Variants in KLRG1 observed in about 807,000 individuals in gnomAD.
KLRG1 encodes killer cell lectin like receptor G1.
KLRG1 carries 16 observed loss-of-function variants against 21.8 expected under a neutral mutation model. The ratio of observed to expected loss-of-function variants is 0.73; its 90% CI spans 0.50 to 1.11. The LOEUF (loss-of-function observed/expected upper bound fraction) is 1.11, where lower values mean the gene tolerates loss of function less well. Ranked by LOEUF, KLRG1 falls within the 50% of genes most tolerant of loss-of-function variation. The pLI, the probability that KLRG1 is intolerant of heterozygous loss-of-function variation, is 0.00. For synonymous variants in KLRG1, 69 were observed against 75.9 expected (o/e 0.91, Z 0.47); for missense variants, 173 against 218.3 (o/e 0.79, Z 1.31).
the KLRG1 span, chr12:9,153,330 G>A: frequency 6.2e-7 from 1 of 1,612,606 alleles, no homozygotes; most frequent in Non-Finnish European, 8.5e-7. Context: ...GGCATGGAGA[G>A]CCACCACTGT....
chr12:9,165,498 G>A, the KLRG1 span: 8 of 977,118 alleles, frequency 8.2e-6, no homozygotes, highest in Non-Finnish European at 1.2e-5. Flanking sequence ...GTGCATTCGT[G>A]TGAACACTAG....
chr12:9,208,410 T>C, the KLRG1 span: 1 of 1,248,962 alleles, frequency 8.0e-7, no homozygotes, highest in Non-Finnish European at 1.2e-6. Context: ...ACCAGCTGAG[T>C]TTACCAGGCT....
the KLRG1 span, chr12:9,093,691 T>C: frequency 3.3e-6 from 2 of 608,094 alleles, no homozygotes; most frequent in South Asian, 3.5e-5. Context: ...TCTGATGAAA[T>C]AGAGAGGAAG....
intron 1 of KLRG1, among the ~76,000 whole-genome samples, chr12:8,967,558 C>T (rs7957321): frequency 0.36 from 53,988 of 151,650 alleles, 11,026 homozygotes; most frequent in South Asian, 0.46. Context: ...TCCGTCTCTA[C>T]AAAAAATTAA....
At chr12:9,105,839 C>CA in the KLRG1 span, among the ~76,000 whole-genome samples, 2 of 152,120 alleles carry the variant, frequency 1.3e-5, no homozygotes, top group Non-Finnish European at 2.9e-5. Context: ...TGTTTCCATA[C>CA]AAAGTTAGTG....
chr12:9,144,813 A>G, the KLRG1 span, among the ~76,000 whole-genome samples: 217 of 152,208 alleles, frequency 1.4e-3, 1 homozygote, highest in African/African-American at 4.8e-3. Context: ...GGGCAGGCAT[A>G]TCTCTGGTCG....
At chr12:9,062,858 TA>T in the KLRG1 span, among the ~76,000 whole-genome samples, 7 of 151,472 alleles carry the variant, frequency 4.6e-5, no homozygotes, top group Non-Finnish European at 1.0e-4. Flanking sequence ...ATTATACATT[TA>T]AACAGTTAAA....
At chr12:9,079,924 G>T in the KLRG1 span, 2 of 1,143,024 alleles carry the variant, frequency 1.7e-6, no homozygotes, top group South Asian at 2.1e-5. Flanking sequence ...TTTTAGGAAG[G>T]ATGATTCTTC....
At chr12:9,138,308 G>A in the KLRG1 span, among the ~76,000 whole-genome samples, 34 of 151,826 alleles carry the variant, frequency 2.2e-4, no homozygotes, top group African/African-American at 6.7e-4. Flanking sequence ...TGTGAATGTG[G>A]TACAAATTTA....
At chr12:8,977,159 C>T (rs1946669787) in intron 1 of KLRG1, among the ~76,000 whole-genome samples, 1 of 151,512 alleles carries the variant, frequency 6.6e-6, no homozygotes, top group Non-Finnish European at 1.5e-5. Context: ...TATGTCTGTT[C>T]TTAAGTCTAA....
the KLRG1 span, among the ~76,000 whole-genome samples, chr12:9,074,192 G>T: frequency 6.6e-6 from 1 of 152,058 alleles, no homozygotes; most frequent in South Asian, 2.1e-4. Context: ...GCGAGGAGAG[G>T]TTGTTGGATT....
At chr12:9,089,205 G>A in the KLRG1 span, 2 of 1,586,514 alleles carry the variant, frequency 1.3e-6, no homozygotes, top group South Asian at 1.1e-5. Flanking sequence ...CTTACCTGAT[G>A]GACAAAGTAG....
intron 1 of KLRG1, among the ~76,000 whole-genome samples, chr12:8,980,904 T>G (rs76714649): frequency 0.011 from 1,633 of 152,316 alleles, 14 homozygotes; most frequent in Non-Finnish European, 0.016. Flanking sequence ...TTTCACCTTG[T>G]GAGGAAGTCA....
intron 3 of KLRG1, among the ~76,000 whole-genome samples, chr12:9,003,474 T>TA (rs904877489): frequency 8.5e-5 from 13 of 152,060 alleles, no homozygotes; most frequent in South Asian, 4.2e-4. Flanking sequence ...GTGAAAATAT[T>TA]AAAAAAAATC....
At chr12:9,069,933 G>GT in the KLRG1 span, 44 of 820,240 alleles carry the variant, frequency 5.4e-5, 1 homozygote, top group East Asian at 1.1e-3. Flanking sequence ...AATGCTTTTT[G>GT]TAAGGAAATA....
the KLRG1 span, chr12:9,072,974 C>T: frequency 2.5e-6 from 2 of 789,120 alleles, no homozygotes; most frequent in African/African-American, 3.5e-5. Context: ...TTTCCTACTT[C>T]CCTCACTACT....
upstream of KLRG1, among the ~76,000 whole-genome samples, chr12:8,989,065 C>T (rs969206539): frequency 1.3e-5 from 2 of 152,116 alleles, no homozygotes; most frequent in African/African-American, 4.8e-5. Context: ...AAGACCATCA[C>T]ACAATTTGGA....
chr12:9,047,921 T>G, the KLRG1 span, among the ~76,000 whole-genome samples: 1 of 152,154 alleles, frequency 6.6e-6, no homozygotes, highest in Non-Finnish European at 1.5e-5. Context: ...ACTATTATAG[T>G]TGGAGACTTC....
At chr12:9,070,783 T>C in the KLRG1 span, among the ~76,000 whole-genome samples, 2 of 151,972 alleles carry the variant, frequency 1.3e-5, no homozygotes, top group Non-Finnish European at 2.9e-5. Context: ...ACTCTAGACC[T>C]GATGAATCAG....
Sources: allele counts gnomAD v4.1 joint callset (sites outside exome capture counted in the v4.1 genomes callset), GRCh38; gene constraint gnomAD v4.1.1; transcripts MANE v1.5; gene names NCBI Gene and HGNC (gene_info 2026-07-23, HGNC 2026-07-21).